The following FOXN3 variants were observed in gnomAD, a reference collection of about 807,000 sequenced individuals.
The protein encoded by FOXN3 is forkhead box N3.
FOXN3 carries 7 observed loss-of-function variants against 38.4 expected under a neutral mutation model. The observed-to-expected ratio is 0.18, with a 90% CI of 0.10 to 0.34. The LOEUF (loss-of-function observed/expected upper bound fraction) is 0.34, where lower values mean the gene tolerates loss of function less well. FOXN3 is among the 10% of genes least tolerant of loss of function. FOXN3 has a pLI of 1.00. For synonymous variants in FOXN3, 230 were observed against 242.2 expected, an observed-to-expected ratio of 0.95 and a Z score of 0.47; for missense variants, 456 against 613.4, an observed-to-expected ratio of 0.74 and a Z score of 2.71.
At chr14:89,345,208 G>C (rs1181445315) in intron 3 of FOXN3, among the ~76,000 whole-genome samples, 1 of 152,146 alleles carries the variant, frequency 6.6e-6, no homozygotes, top group Non-Finnish European at 1.5e-5. Context: ...TCCAGAGAAT[G>C]AGGCAAAAGC....
At chr14:89,472,476 T>C (rs1350564173) in intron 1 of FOXN3, among the ~76,000 whole-genome samples, 1 of 152,078 alleles carries the variant, frequency 6.6e-6, no homozygotes, top group Non-Finnish European at 1.5e-5. Context: ...ATCCCAGCAC[T>C]TTGGGAGGCC....
At chr14:89,505,324 AGCCGAGGCTGGACTGTGCTGCT>A (rs1893894742) in intron 1 of FOXN3, among the ~76,000 whole-genome samples, 1 of 126,480 alleles carries the variant, frequency 7.9e-6, no homozygotes, top group African/African-American at 3.0e-5. Flanking sequence ...TCTGATGCCG[AGCCGAGGCTGGACTGTGCTGCT>A]GCCATCTCGG....
chr14:89,300,703 G>A (rs971752073), intron 3 of FOXN3, among the ~76,000 whole-genome samples: 1 of 152,164 alleles, frequency 6.6e-6, no homozygotes, highest in African/African-American at 2.4e-5. Context: ...GACATAGAAG[G>A]GACACCTCGA....
intron 1 of FOXN3, among the ~76,000 whole-genome samples, chr14:89,563,357 C>T (rs923890094): frequency 2.0e-5 from 3 of 152,200 alleles, no homozygotes; most frequent in Admixed American, 6.5e-5. Context: ...ATTCTCAGAA[C>T]CGCAGTGAGG....
At chr14:89,362,543 T>C (rs1302979598) in intron 2 of FOXN3, among the ~76,000 whole-genome samples, 3 of 190 alleles carry the variant, frequency 0.016, no homozygotes, top group African/African-American at 0.036. Flanking sequence ...ACCACCACCA[T>C]CTCCACCACC....
At chr14:89,360,472 A>G (rs1889432443) in intron 2 of FOXN3, among the ~76,000 whole-genome samples, 1 of 148,302 alleles carries the variant, frequency 6.7e-6, no homozygotes, top group African/African-American at 2.5e-5. Flanking sequence ...GGAGGGAAGG[A>G]GAAAGAGGGG....
At chr14:89,387,152 A>G (rs1165537763) in intron 2 of FOXN3, among the ~76,000 whole-genome samples, 2 of 152,228 alleles carry the variant, frequency 1.3e-5, no homozygotes, top group African/African-American at 4.8e-5. Flanking sequence ...GCTACTCGGG[A>G]GGCTGAGGCA....
At chr14:89,427,780 C>G (rs1892071955) in intron 1 of FOXN3, among the ~76,000 whole-genome samples, 1 of 151,990 alleles carries the variant, frequency 6.6e-6, no homozygotes, top group African/African-American at 2.4e-5. Flanking sequence ...GCAAGGGACT[C>G]TGTTTTCTCT....
rs145338900 is a variant in FOXN3, at chr14:89,300,214, G to A, written c.681-19200C>T. 1.5e-3 allele frequency among the ~76,000 whole-genome samples: 203 copies of A among 131,820 alleles called. 4 individuals carry two copies. The East Asian group carries it at 0.042, about 27-fold the overall frequency. The allele number at this position is 131,820 out of a possible 152,430, so 86.5% of individuals were successfully genotyped here. ...TTTTTTTTTTTTGAGATGGAGCCTC[G>A]CTCTGTCATCCAGGCTGGAGTGCAA... On this transcript the variant is annotated intron_variant, in intron 3 of 5. Coordinates refer to ENST00000557258, the MANE Select transcript of FOXN3 (RefSeq NM_005197.4).
chr14:89,356,050 A>G (rs1203790214), intron 2 of FOXN3, among the ~76,000 whole-genome samples: 2 of 152,022 alleles, frequency 1.3e-5, no homozygotes, highest in African/African-American at 2.4e-5. Flanking sequence ...GAAAAGAAAA[A>G]AAAAGAAAAA....
At chr14:89,255,636 T>G (rs1252707306) in intron 4 of FOXN3, among the ~76,000 whole-genome samples, 2 of 152,140 alleles carry the variant, frequency 1.3e-5, no homozygotes, top group Non-Finnish European at 2.9e-5. Context: ...ACATGTCTGT[T>G]TGGCTATGAA....
chr14:89,548,093 G>A lies in FOXN3; in HGVS notation c.-15+70935C>T, dbSNP rs1894920302. On this transcript the variant is annotated intron_variant, in intron 1 of 6. Coordinates refer to the FOXN3 transcript ENST00000345097. This position sits in a 1 kb window ranked among gnomAD's most constrained non-coding sequence, Gnocchi z 4.8. ...GACACACCTCTGTTCAATTATTCAC[G>A]ATAGAACACTTGAGTTGAAATAAAA... Among the ~76,000 whole-genome samples the A allele has an allele frequency of 6.6e-6, 1 of 152,138 alleles. No homozygotes were observed. The highest frequency in any genetic ancestry group is 2.4e-5 in the African/African-American group (1 of 41,412).
At chr14:89,202,132 A>G (rs1471399180) in intron 4 of FOXN3, among the ~76,000 whole-genome samples, 1 of 152,140 alleles carries the variant, frequency 6.6e-6, no homozygotes, top group Non-Finnish European at 1.5e-5. Context: ...CCACCTCTCC[A>G]CTGTCTTCCT....
intron 1 of FOXN3, among the ~76,000 whole-genome samples, chr14:89,458,022 C>G (rs1596281806): frequency 8.0e-6 from 1 of 125,748 alleles, no homozygotes; most frequent in Non-Finnish European, 1.6e-5. Flanking sequence ...AAGAGCGAAA[C>G]TCCATCTCAA....
intron 4 of FOXN3, among the ~76,000 whole-genome samples, chr14:89,262,479 G>A (rs960494969): frequency 6.6e-6 from 1 of 152,166 alleles, no homozygotes; most frequent in African/African-American, 2.4e-5. Flanking sequence ...ATTAGACATT[G>A]GAGAGGGGAA....
At chr14:89,574,648 T>C (rs1480004062) in intron 1 of FOXN3, among the ~76,000 whole-genome samples, 1 of 152,166 alleles carries the variant, frequency 6.6e-6, no homozygotes, top group Admixed American at 6.5e-5. Flanking sequence ...TGTTATCAGC[T>C]CTTAGCAGAA....
At chr14:89,410,799 G>A (rs1471418102) in intron 2 of FOXN3, among the ~76,000 whole-genome samples, 2 of 151,756 alleles carry the variant, frequency 1.3e-5, no homozygotes, top group Non-Finnish European at 2.9e-5. Context: ...CTCAAGCCCA[G>A]GAGGTCAAAG....
chr14:89,588,871 C>T (rs1895899080), intron 1 of FOXN3, among the ~76,000 whole-genome samples: 1 of 152,170 alleles, frequency 6.6e-6, no homozygotes, highest in Non-Finnish European at 1.5e-5. Flanking sequence ...CACTTTAATA[C>T]CCAGACAACT....
At chr14:89,591,439 T>C (rs978046934) in intron 1 of FOXN3, among the ~76,000 whole-genome samples, 10 of 152,084 alleles carry the variant, frequency 6.6e-5, no homozygotes, top group African/African-American at 2.4e-4. Flanking sequence ...TCCGGAGAGA[T>C]ACTGATATTT....
Sources: gnomAD v4.1 joint callset for allele counts (sites outside exome capture counted in the v4.1 genomes callset) on GRCh38, gnomAD v4.1.1 for gene constraint, Gnocchi (gnomAD v3.1) non-coding constraint, MANE v1.5 for transcripts, NCBI Gene and HGNC (gene_info 2026-07-23, HGNC 2026-07-21) for gene names.